Variants in GPAM observed in about 807,000 individuals in gnomAD.
The protein encoded by GPAM is glycerol-3-phosphate acyltransferase, mitochondrial, also known as glycerol-3-phosphate acyltransferase 1, mitochondrial.
In GPAM, 56 loss-of-function variants were observed where a neutral mutation model predicts 105.0. That is an observed-to-expected ratio of 0.53 (90% confidence interval 0.43 to 0.67). GPAM has a LOEUF of 0.67. Ranked by LOEUF, GPAM falls within the 30% of genes least tolerant of loss-of-function variation. GPAM has a pLI of 0.00. For missense variants in GPAM, 855 were observed against 989.8 expected, an observed-to-expected ratio of 0.86 and a Z score of 1.83; for synonymous variants, 368 against 354.4, an observed-to-expected ratio of 1.04 and a Z score of -0.43.
At chr10:112,227,657 G>C in the GPAM span, among the ~76,000 whole-genome samples, 3 of 152,198 alleles carry the variant, frequency 2.0e-5, no homozygotes, top group Non-Finnish European at 4.4e-5. Flanking sequence ...CTGAGCAGTT[G>C]CCTCTCATCT....
chr10:112,199,109 G>GTT (rs1400481881), intron 1 of GPAM, among the ~76,000 whole-genome samples: 2 of 151,288 alleles, frequency 1.3e-5, no homozygotes, highest in Non-Finnish European at 1.5e-5. Flanking sequence ...GTGTGTGTGT[G>GTT]TGTGTGTGTG....
rs138869742 is a variant in GPAM at position 112,180,449 on chromosome 10, G to A, written c.225+24C>T. On this transcript the variant is annotated intron_variant, in intron 4 of 21. Coordinates refer to ENST00000348367, the MANE Select transcript of GPAM (RefSeq NM_001244949.2). The stretch of plus-strand genomic sequence containing the variant: ...ATAATATTTTATGCTGAGTATTAGG[G>A]TCAATAAGCAGTAAGGTTCTTACCC... 6.3e-4 allele frequency: 1,020 copies of A among 1,610,460 alleles called. 7 individuals are homozygous for A. The African/African-American group carries it at 0.011, about 18-fold the overall frequency.
rs1409340399 is a variant in GPAM, at chr10:112,203,115, G to C, written n.210+12053C>G. ...TCTCAGCGCTGTGGTAGGGGGAGCA[G>C]AGGGGAGGGAGAGAGAAGCAGTGAA... On this transcript the variant is annotated intron_variant and non_coding_transcript_variant, in intron 1 of 3. Coordinates refer to the GPAM transcript ENST00000480130. Among the ~76,000 whole-genome samples, 4 of 152,178 alleles carry C rather than the reference G, an allele frequency of 2.6e-5. No individual in the cohort carries two copies. The East Asian group carries it at 7.7e-4, about 29-fold the overall frequency.
intron 5 of GPAM, among the ~76,000 whole-genome samples, chr10:112,177,278 A>T (rs912777306): frequency 6.6e-6 from 1 of 152,200 alleles, no homozygotes; most frequent in Non-Finnish European, 1.5e-5. Flanking sequence ...GATTTCTTGC[A>T]CTAATTTTCA....
chr10:112,200,203 TA>T (rs1847778532), intron 1 of GPAM, among the ~76,000 whole-genome samples: 1 of 116,200 alleles, frequency 8.6e-6, no homozygotes, highest in Non-Finnish European at 1.6e-5. Context: ...TATATATATA[TA>T]TATATTTCAG....
chr10:112,187,830 T>A (rs1017182217), upstream of GPAM, among the ~76,000 whole-genome samples: 4 of 152,074 alleles, frequency 2.6e-5, no homozygotes, highest in African/African-American at 9.7e-5. Context: ...GATGCACATA[T>A]AAGGATCCAA....
At chr10:112,163,643 T>G in intron 14 of GPAM, 58 bp downstream of exon 14, 2 of 855,624 alleles carry the variant, frequency 2.3e-6, no homozygotes, top group Non-Finnish European at 4.1e-6. Context: ...CTGTATAGTT[T>G]GCACCATACC....
At chr10:112,213,009 GAGC>G (rs1847929493) in intron 1 of GPAM, among the ~76,000 whole-genome samples, 1 of 152,230 alleles carries the variant, frequency 6.6e-6, no homozygotes, top group Non-Finnish European at 1.5e-5. Context: ...AGGGAGAACA[GAGC>G]AGATCTCAGA....
chr10:112,185,571 G>GACAC (rs55812271), upstream of GPAM, among the ~76,000 whole-genome samples: 286 of 143,666 alleles, frequency 2.0e-3, no homozygotes, highest in African/African-American at 6.6e-3. Flanking sequence ...CACACACACA[G>GACAC]ACACACACAC....
At chr10:112,193,005 A>G (rs1158833871) in intron 1 of GPAM, among the ~76,000 whole-genome samples, 1 of 152,252 alleles carries the variant, frequency 6.6e-6, no homozygotes, top group Non-Finnish European at 1.5e-5. Context: ...CTATGTGCCA[A>G]GCACTATTCT....
intron 1 of GPAM, among the ~76,000 whole-genome samples, chr10:112,209,700 C>T (rs1847890103): frequency 6.6e-6 from 1 of 152,160 alleles, no homozygotes; most frequent in African/African-American, 2.4e-5. Context: ...CTCACAGTCA[C>T]TTTTTGGAAT....
intron 9 of GPAM, among the ~76,000 whole-genome samples, chr10:112,169,795 A>G (rs886449590): frequency 6.6e-6 from 1 of 152,150 alleles, no homozygotes; most frequent in Non-Finnish European, 1.5e-5. Context: ...CTTCATCTAT[A>G]TTTACAGCCA....
At chr10:112,171,502 C>T (rs1847312401) in intron 9 of GPAM, among the ~76,000 whole-genome samples, 1 of 152,130 alleles carries the variant, frequency 6.6e-6, no homozygotes, top group Admixed American at 6.5e-5. Flanking sequence ...AATCTCTTGG[C>T]TTAGAAATTG....
At chr10:112,162,779 T>C (rs1847145447) in intron 14 of GPAM, among the ~76,000 whole-genome samples, 1 of 152,176 alleles carries the variant, frequency 6.6e-6, no homozygotes, top group Non-Finnish European at 1.5e-5. Flanking sequence ...CACTGGTTAT[T>C]TGGGTAATGG....
At chr10:112,174,587 T>C (rs1847370758) in intron 6 of GPAM, among the ~76,000 whole-genome samples, 1 of 152,170 alleles carries the variant, frequency 6.6e-6, no homozygotes, top group South Asian at 2.1e-4. Context: ...ACAGAATATA[T>C]AATAATCTAA....
intron 21 of GPAM, 98 bp downstream of exon 21, chr10:112,154,531 C>T (rs909795338): frequency 2.2e-6 from 2 of 892,658 alleles, no homozygotes; most frequent in Admixed American, 3.6e-5. Flanking sequence ...AACTGCTTCT[C>T]TCGGGGTCCA....
chr10:112,166,502 T>G lies in GPAM; in HGVS notation c.1121A>C (p.Lys374Thr), dbSNP rs1266164982. ...TGCTACACTCCACAGGCTCTCATTC[T>G]TCTTAGGTTTGCCCTAAATTCCAAT... ...YNGEQLGKPK[K>T]NESLWSVARG... Residue 374 changes from lysine (K) to threonine (T), a missense_variant, in exon 12 of 22, where the codon AAG (lysine) becomes ACG (threonine). Lys to Thr is a moderately conservative substitution (Grantham distance 78, BLOSUM62 -1). Transcript: ENST00000348367. 2 of 1,602,166 alleles carry G rather than the reference T, an allele frequency of 1.2e-6. No individual in the cohort carries two copies. The highest frequency in any genetic ancestry group is 2.7e-5 in the African/African-American group (2 of 74,702).
the GPAM span, among the ~76,000 whole-genome samples, chr10:112,224,733 T>A: frequency 6.6e-6 from 1 of 152,096 alleles, no homozygotes; most frequent in African/African-American, 2.4e-5. Context: ...ACTAAAAACA[T>A]CCTTTTCTGC....
chr10:112,191,953 G>A (rs550450210), intron 1 of GPAM, among the ~76,000 whole-genome samples: 5 of 152,280 alleles, frequency 3.3e-5, no homozygotes, highest in Non-Finnish European at 7.4e-5. Context: ...AAACCGCAGC[G>A]AAGGTCCCAG....
Sources: allele counts gnomAD v4.1 joint callset (sites outside exome capture counted in the v4.1 genomes callset), GRCh38; gene constraint gnomAD v4.1.1; transcripts MANE v1.5; gene names NCBI Gene and HGNC (gene_info 2026-07-23, HGNC 2026-07-21).